Variants in SORT1 observed in about 807,000 individuals in gnomAD.
SORT1 encodes the protein sortilin 1.
A neutral mutation model predicts 101.7 loss-of-function variants in SORT1; 39 were observed. The observed-to-expected ratio is 0.38, with a 90% CI of 0.30 to 0.50. The LOEUF (loss-of-function observed/expected upper bound fraction) is 0.50. Ranked by LOEUF, SORT1 falls within the 20% of genes least tolerant of loss-of-function variation. The pLI, the probability that SORT1 is intolerant of heterozygous loss-of-function variation, is 0.90. For synonymous variants in SORT1, 396 were observed against 393.7 expected, an observed-to-expected ratio of 1.01 and a Z score of -0.07; for missense variants, 878 against 1,040.4, an observed-to-expected ratio of 0.84 and a Z score of 2.15.
chr1:109,338,664 T>A (rs552585474), intron 10 of SORT1, among the ~76,000 whole-genome samples: 2 of 152,312 alleles, frequency 1.3e-5, no homozygotes, highest in South Asian at 4.1e-4. Flanking sequence ...AGACTCACTT[T>A]ATTACCTAAA....
intron 9 of SORT1, 130 bp downstream of exon 9, chr1:109,341,884 T>C (rs748807363): frequency 6.9e-6 from 6 of 875,574 alleles, no homozygotes; most frequent in Non-Finnish European, 1.1e-5. Context: ...AGATGATCTC[T>C]AGGACAGAAA....
At position 109,354,479 on chromosome 1, in the gene SORT1, C is replaced by A. The variant is rs1453971638; in HGVS notation, c.596G>T (p.Arg199Ile). 6.2e-7 allele frequency: 1 copy of A among 1,613,648 alleles called. No homozygotes were observed. The highest frequency in any genetic ancestry group is 8.5e-7 in the Non-Finnish European group (1 of 1,179,618). Reference sequence around the variant, plus strand: ...AAAATTCTTCGCAAAATCTGATGATCTAAAGATTCTTCCTCCACGACTTCC... The same window carrying A: ...AAAATTCTTCGCAAAATCTGATGATATAAAGATTCTTCCTCCACGACTTCC... ...SGGSRGGRIF[R>I]SSDFAKNFVQ... The change falls in exon 5 of 20, where the codon AGA becomes ATA. Residue 199 changes from arginine to isoleucine, a missense_variant. Physicochemically the swap from Arg to Ile is moderately conservative, Grantham distance 97. Around this residue, in one of 2 missense-constraint regions of SORT1, gnomAD observed 684 missense variants for 894.5 expected, o/e 0.76. Transcript: ENST00000256637.
intron 3 of SORT1, among the ~76,000 whole-genome samples, chr1:109,358,457 T>G (rs1650475697): frequency 6.6e-6 from 1 of 152,248 alleles, no homozygotes; most frequent in South Asian, 2.1e-4. Context: ...GAAGCAACTT[T>G]GATAAATCTA....
At chr1:109,329,916 G>C (rs1198565139) in intron 11 of SORT1, among the ~76,000 whole-genome samples, 7 of 152,212 alleles carry the variant, frequency 4.6e-5, no homozygotes, top group Non-Finnish European at 8.8e-5. Flanking sequence ...TTCTTTTCAA[G>C]TGCACAGAGA....
intron 6 of SORT1, among the ~76,000 whole-genome samples, chr1:109,348,833 C>T (rs997946577): frequency 3.3e-5 from 5 of 152,050 alleles, no homozygotes; most frequent in Non-Finnish European, 7.4e-5. Flanking sequence ...AAAACTTAGC[C>T]AGGTGTATGC....
intron 3 of SORT1, among the ~76,000 whole-genome samples, chr1:109,365,931 T>TG (rs1651057454): frequency 6.6e-6 from 1 of 152,226 alleles, no homozygotes; most frequent in Non-Finnish European, 1.5e-5. Context: ...AGCTTGAACA[T>TG]GGGTTCACTC....
chr1:109,378,955 C>G (rs956281772), intron 1 of SORT1, among the ~76,000 whole-genome samples: 2 of 150,628 alleles, frequency 1.3e-5, no homozygotes, highest in African/African-American at 4.9e-5. Context: ...CCCGCCTGAC[C>G]AATATGGTGA....
rs541576533 is a variant in SORT1 at position 109,371,294 on chromosome 1, A to G, written c.307-1705T>C. Among the ~76,000 whole-genome samples, 14 of 152,338 alleles carry G rather than the reference A, an allele frequency of 9.2e-5. No individual in the cohort carries two copies. In the South Asian group the frequency reaches 2.9e-3, roughly 32 times the overall value. The stretch of plus-strand genomic sequence containing the variant: ...AAAAACTGACATAGCAGTGTGTCTT[A>G]TATGATATTTCACACATAGCAAAAC... On this transcript the variant is annotated intron_variant, in intron 1 of 19. Transcript: ENST00000256637.
At chr1:109,385,979 C>T (rs1023602003) in intron 1 of SORT1, among the ~76,000 whole-genome samples, 6 of 152,122 alleles carry the variant, frequency 3.9e-5, no homozygotes, top group Admixed American at 1.3e-4. Flanking sequence ...CTGATAAGTG[C>T]CTCATGTGTA....
At chr1:109,359,423 T>C (rs538199869) in intron 3 of SORT1, among the ~76,000 whole-genome samples, 20 of 152,068 alleles carry the variant, frequency 1.3e-4, no homozygotes, top group Non-Finnish European at 2.9e-4. Flanking sequence ...GCCCCTCCAC[T>C]CCATTCCTCC....
intron 1 of SORT1, among the ~76,000 whole-genome samples, chr1:109,374,104 A>T (rs1007422988): frequency 6.6e-6 from 1 of 152,184 alleles, no homozygotes; most frequent in African/African-American, 2.4e-5. Context: ...ATAAATTTTT[A>T]AAAATAACCA....
chr1:109,359,889 C>A (rs1332864884), intron 3 of SORT1, among the ~76,000 whole-genome samples: 1 of 152,092 alleles, frequency 6.6e-6, no homozygotes, highest in Admixed American at 6.5e-5. Context: ...AGGTGAGACT[C>A]AAGGTATGAT....
chr1:109,367,217 G>A (rs554953901), intron 3 of SORT1, 191 bp downstream of exon 3: 7 of 484,400 alleles, frequency 1.4e-5, no homozygotes, highest in African/African-American at 4.0e-5. Context: ...ACAAGAGTGA[G>A]ACCCTGTCTC....
rs761182539 is a variant in SORT1 at position 109,316,963 on chromosome 1, C to T, written c.2142-5G>A. The T allele has an allele frequency of 6.4e-6, 10 of 1,565,722 alleles. No homozygotes were observed. In the Middle Eastern group the frequency reaches 1.5e-3, roughly 238 times the overall value. Reference sequence around the variant, plus strand: ...TCCCCTGGAATTTTCCGGTACCTACCAGGCAAAGAAGATTTGGTAACAGAA... The same window carrying T: ...TCCCCTGGAATTTTCCGGTACCTACTAGGCAAAGAAGATTTGGTAACAGAA... On this transcript the variant is annotated splice_region_variant and splice_polypyrimidine_tract_variant and intron_variant, in intron 16 of 19. Transcript: ENST00000256637.
At chr1:109,323,366 A>G (rs768718675) in intron 14 of SORT1, among the ~76,000 whole-genome samples, 14 of 152,222 alleles carry the variant, frequency 9.2e-5, no homozygotes, top group Non-Finnish European at 2.1e-4. Flanking sequence ...GAAAAACCCT[A>G]TTTGTTTTGA....
chr1:109,358,387 T>C (rs530908662), intron 3 of SORT1, among the ~76,000 whole-genome samples: 1 of 152,302 alleles, frequency 6.6e-6, no homozygotes, highest in East Asian at 1.9e-4. Context: ...GCTCTAGAAT[T>C]AGAGGCGTGA....
At chr1:109,372,567 G>T (rs768291480) in intron 1 of SORT1, among the ~76,000 whole-genome samples, 1 of 152,080 alleles carries the variant, frequency 6.6e-6, no homozygotes, top group Non-Finnish European at 1.5e-5. Flanking sequence ...GAGTGACAGG[G>T]ATCACATTTA....
chr1:109,370,482 G>A (rs939748841), intron 1 of SORT1, among the ~76,000 whole-genome samples: 10 of 151,968 alleles, frequency 6.6e-5, no homozygotes, highest in African/African-American at 2.4e-4. Flanking sequence ...ATTCCAAAGA[G>A]GTAATAACTG....
At chr1:109,322,438 C>T (rs1647695530) in intron 15 of SORT1, among the ~76,000 whole-genome samples, 1 of 152,188 alleles carries the variant, frequency 6.6e-6, no homozygotes, top group Admixed American at 6.5e-5. Flanking sequence ...CTAATACGTG[C>T]TATCTGTTTC....
Sources: gnomAD v4.1 joint callset for allele counts (sites outside exome capture counted in the v4.1 genomes callset) on GRCh38, gnomAD v4.1.1 for gene constraint, gnomAD v4.1.1 regional missense constraint, MANE v1.5 for transcripts, NCBI Gene and HGNC (gene_info 2026-07-23, HGNC 2026-07-21) for gene names.